Variants in WASF3 observed in about 807,000 individuals in gnomAD.
WASF3 encodes actin-binding protein WASF3.
In WASF3, 11 loss-of-function variants were observed where a neutral mutation model predicts 46.6. The ratio of observed to expected loss-of-function variants is 0.24; its 90% CI spans 0.15 to 0.39. The LOEUF is 0.39. Ranked by LOEUF, WASF3 falls within the 10% of genes least tolerant of loss-of-function variation. The pLI is 1.00. For synonymous variants in WASF3, 242 were observed against 259.7 expected (o/e 0.93, Z 0.65); for missense variants, 576 against 669.8 (o/e 0.86, Z 1.55).
chr13:26,628,599 C>T (rs1444632304), intron 2 of WASF3, among the ~76,000 whole-genome samples: 2 of 152,340 alleles, frequency 1.3e-5, no homozygotes, highest in African/African-American at 4.8e-5. Flanking sequence ...TTACCTCTTC[C>T]TGCTGGCTGG....
intron 2 of WASF3, among the ~76,000 whole-genome samples, chr13:26,613,547 A>G (rs1881042340): frequency 6.6e-6 from 1 of 152,168 alleles, no homozygotes; most frequent in Admixed American, 6.5e-5. Flanking sequence ...AGGTGGGTGG[A>G]TCATGAGGTC....
chr13:26,563,680 A>G lies in WASF3; in HGVS notation c.-109+5861A>G, dbSNP rs547036446. Among the ~76,000 whole-genome samples the G allele has an allele frequency of 5.1e-3, 751 of 148,080 alleles. 9 individuals carry two copies. Among genetic ancestry groups the G allele is most frequent in the African/African-American group, 0.018 (717 of 40,278 alleles). On this transcript the variant is annotated intron_variant, in intron 1 of 9. Coordinates refer to ENST00000335327, the MANE Select transcript of WASF3 (RefSeq NM_006646.6). ...AAAAAAAAAAAAAAAAAAAAAAAAG[A>G]ATAGTTTTTCCATACTTAGATTTCA...
the WASF3 span, among the ~76,000 whole-genome samples, chr13:26,547,221 TTGAA>T: frequency 1.3e-5 from 2 of 152,190 alleles, no homozygotes; most frequent in East Asian, 3.8e-4. Flanking sequence ...TGTTCTTTGT[TTGAA>T]TTCCTAATTT....
At chr13:26,636,099 C>G (rs1212048436) in intron 2 of WASF3, among the ~76,000 whole-genome samples, 1 of 152,250 alleles carries the variant, frequency 6.6e-6, no homozygotes, top group African/African-American at 2.4e-5. Context: ...TTTTGTTCAG[C>G]TATGCCCTGC....
In WASF3 at chr13:26,586,745, A is replaced by G. The variant is rs573603766; in HGVS notation, c.-108-26216A>G. Among the ~76,000 whole-genome samples the G allele has an allele frequency of 7.2e-5, 11 of 152,258 alleles. No individual in the cohort carries two copies. The South Asian group carries it at 2.3e-3, about 32-fold the overall frequency. On this transcript the variant is annotated intron_variant, in intron 1 of 9. Transcript: ENST00000335327. ...ATCTGGAGACTGGGTTTTAGACCTT[A>G]TTCTGACATTAACTGGCTCTGTAAT...
At position 26,583,321 on chromosome 13, in the gene WASF3, A is replaced by G. The variant is rs567185720; in HGVS notation, c.-109+25502A>G. ...ATTTTCCGTAATGGTTAAGAAACGGAAAGGTTCTTATAGTCACAAATGGCA... is the reference window on the plus strand; with the variant it reads ...ATTTTCCGTAATGGTTAAGAAACGGGAAGGTTCTTATAGTCACAAATGGCA... On this transcript the variant is annotated intron_variant, in intron 1 of 9. Coordinates refer to ENST00000335327, the MANE Select transcript of WASF3 (RefSeq NM_006646.6). Among the ~76,000 whole-genome samples, 198 of 152,340 alleles carry G rather than the reference A, an allele frequency of 1.3e-3. 1 individual carries two copies. Among genetic ancestry groups the G allele is most frequent in the African/African-American group, 4.3e-3 (180 of 41,586 alleles).
At chr13:26,571,799 C>G (rs1879645388) in intron 1 of WASF3, among the ~76,000 whole-genome samples, 1 of 152,224 alleles carries the variant, frequency 6.6e-6, no homozygotes, top group Admixed American at 6.5e-5. Context: ...TTTATATTTA[C>G]AAATCAACTC....
At position 26,657,167 on chromosome 13, in the gene WASF3, C is replaced by G. The variant is rs115204136; in HGVS notation, c.134-7861C>G. Among the ~76,000 whole-genome samples the G allele has an allele frequency of 5.3e-3, 814 of 152,278 alleles. 5 individuals carry two copies. Among genetic ancestry groups the G allele is most frequent in the African/African-American group, 0.018 (758 of 41,568 alleles). On this transcript the variant is annotated intron_variant, in intron 3 of 9. Transcript: ENST00000335327. ...TTGCCAGCAGAATTTCAACAAAATC[C>G]CTTGTCAACAAAACTTCACAAAGTG... is the stretch of plus-strand genomic sequence containing the variant.
chr13:26,582,635 C>T (rs1880013974), intron 1 of WASF3, among the ~76,000 whole-genome samples: 2 of 133,748 alleles, frequency 1.5e-5, no homozygotes, highest in Admixed American at 1.7e-4. Context: ...CGAGATCATA[C>T]CACTACACTC....
At chr13:26,658,370 G>A (rs1483816265) in intron 3 of WASF3, among the ~76,000 whole-genome samples, 3 of 152,106 alleles carry the variant, frequency 2.0e-5, no homozygotes, top group Non-Finnish European at 4.4e-5. Context: ...TTGGAACGTG[G>A]TGCTCATCTA....
the WASF3 span, among the ~76,000 whole-genome samples, chr13:26,550,703 C>A: frequency 6.6e-6 from 1 of 152,174 alleles, no homozygotes; most frequent in African/African-American, 2.4e-5. Context: ...CTTGCTGTAA[C>A]ACATTCAGCA....
chr13:26,645,049 G>T (rs1214029752), intron 3 of WASF3, among the ~76,000 whole-genome samples: 4 of 152,172 alleles, frequency 2.6e-5, no homozygotes, highest in South Asian at 2.1e-4. Flanking sequence ...ATACTGCCAA[G>T]GATATAATTT....
At chr13:26,671,769 T>C in intron 5 of WASF3, 103 bp from the exon 6 acceptor site, 1 of 743,092 alleles carries the variant, frequency 1.3e-6, no homozygotes, top group Non-Finnish European at 2.2e-6. Flanking sequence ...GTGCCCCATG[T>C]AGATGTTATA....
intron 3 of WASF3, among the ~76,000 whole-genome samples, chr13:26,650,329 A>G (rs1174083501): frequency 1.3e-5 from 2 of 152,078 alleles, no homozygotes; most frequent in Non-Finnish European, 2.9e-5. Context: ...CCCTCACCCG[A>G]CACCCTACCA....
At chr13:26,551,971 G>A in the WASF3 span, among the ~76,000 whole-genome samples, 1 of 152,316 alleles carries the variant, frequency 6.6e-6, no homozygotes, top group East Asian at 1.9e-4. Context: ...AGCACAAAAA[G>A]GGATGGTGGT....
intron 5 of WASF3, 43 bp downstream of exon 5, chr13:26,667,713 GA>G: frequency 6.3e-7 from 1 of 1,590,412 alleles, no homozygotes; most frequent in East Asian, 2.3e-5. Context: ...GAGATGAGGG[GA>G]GAGCTGGGCA....
chr13:26,610,643 AG>A (rs1308176474), intron 1 of WASF3, among the ~76,000 whole-genome samples: 13 of 152,178 alleles, frequency 8.5e-5, no homozygotes, highest in Non-Finnish European at 1.6e-4. Flanking sequence ...ATGCAAGGCC[AG>A]AGGTAGGAAG....
chr13:26,602,826 A>G (rs1288095245), intron 1 of WASF3, among the ~76,000 whole-genome samples: 1 of 152,170 alleles, frequency 6.6e-6, no homozygotes, highest in Non-Finnish European at 1.5e-5. Context: ...TGCTATTTCT[A>G]TTTGATAATG....
At chr13:26,539,492 C>T in the WASF3 span, among the ~76,000 whole-genome samples, 3 of 152,046 alleles carry the variant, frequency 2.0e-5, no homozygotes, top group Admixed American at 6.6e-5. Flanking sequence ...GAAGATTTTC[C>T]GTTCCAGTTA....
Sources: gnomAD v4.1 joint callset for allele counts (sites outside exome capture counted in the v4.1 genomes callset) on GRCh38, gnomAD v4.1.1 for gene constraint, MANE v1.5 for transcripts, NCBI Gene and HGNC (gene_info 2026-07-23, HGNC 2026-07-21) for gene names.